SLC25A21: variants seen among roughly 807,000 people sequenced by gnomAD.
SLC25A21 encodes mitochondrial 2-oxodicarboxylate carrier.
SLC25A21 carries 47 observed loss-of-function variants against 43.8 expected under a neutral mutation model. The observed-to-expected ratio is 1.07, with a 90% CI of 0.85 to 1.37. The LOEUF (loss-of-function observed/expected upper bound fraction) is 1.37. Among genes scored for constraint, SLC25A21 ranks in the 40% most tolerant of loss-of-function variants. The probability of loss-of-function intolerance (pLI) is 0.00; values close to 1 mark genes in which losing one functional copy is unlikely to be tolerated. For synonymous variants in SLC25A21, 131 were observed against 121.3 expected, an observed-to-expected ratio of 1.08 and a Z score of -0.52; for missense variants, 352 against 350.2, an observed-to-expected ratio of 1.00 and a Z score of -0.04.
chr14:36,715,548 T>C (rs987109688), intron 6 of SLC25A21, among the ~76,000 whole-genome samples: 4 of 152,222 alleles, frequency 2.6e-5, no homozygotes, highest in African/African-American at 9.6e-5. Flanking sequence ...CCAATTTTCA[T>C]ATTTAGTTAC....
intron 1 of SLC25A21, among the ~76,000 whole-genome samples, chr14:37,163,489 C>A (rs561527919): frequency 6.6e-6 from 1 of 151,892 alleles, no homozygotes; most frequent in East Asian, 1.9e-4. Context: ...TTGACACAAA[C>A]ATAATAAAAG....
intron 1 of SLC25A21, among the ~76,000 whole-genome samples, chr14:37,006,586 C>T (rs1960609240): frequency 6.6e-6 from 1 of 151,918 alleles, no homozygotes; most frequent in Non-Finnish European, 1.5e-5. Flanking sequence ...AAAGGAGGGG[C>T]CTTAAAAATT....
At chr14:37,030,440 G>T (rs1961186866) in intron 1 of SLC25A21, among the ~76,000 whole-genome samples, 1 of 152,070 alleles carries the variant, frequency 6.6e-6, no homozygotes, top group South Asian at 2.1e-4. Flanking sequence ...TCCACCTGGG[G>T]TATCACCCCT....
intron 3 of SLC25A21, among the ~76,000 whole-genome samples, chr14:36,770,978 A>T (rs1886598183): frequency 6.6e-6 from 1 of 152,190 alleles, no homozygotes; most frequent in African/African-American, 2.4e-5. Context: ...CTTATCAAGA[A>T]GTGTAAATAC....
At chr14:36,699,904 G>T (rs564481348) in intron 7 of SLC25A21, among the ~76,000 whole-genome samples, 1 of 152,200 alleles carries the variant, frequency 6.6e-6, no homozygotes, top group Admixed American at 6.5e-5. Flanking sequence ...TGCACTTCCC[G>T]GGTGAGGCGA....
At chr14:36,734,721 A>C (rs1000150547) in intron 3 of SLC25A21, 148 bp from the exon 4 acceptor site, 7 of 636,242 alleles carry the variant, frequency 1.1e-5, no homozygotes, top group Non-Finnish European at 1.9e-5. Flanking sequence ...ATAAAGAAAT[A>C]AATTTTATGT....
chr14:36,763,945 C>T (rs1886260311), intron 3 of SLC25A21, among the ~76,000 whole-genome samples: 1 of 150,160 alleles, frequency 6.7e-6, no homozygotes, highest in African/African-American at 2.5e-5. Flanking sequence ...AGGAGAATTG[C>T]TTGAACCCAG....
chr14:36,981,563 T>C (rs949344691), intron 1 of SLC25A21, among the ~76,000 whole-genome samples: 1 of 152,102 alleles, frequency 6.6e-6, no homozygotes, highest in Non-Finnish European at 1.5e-5. Context: ...CTGGAAACCA[T>C]CATTCTCAGC....
chr14:37,025,360 A>G (rs139813356), intron 1 of SLC25A21, among the ~76,000 whole-genome samples: 1 of 152,286 alleles, frequency 6.6e-6, no homozygotes. Context: ...GGAACTACAG[A>G]GTAACACACA....
At chr14:36,836,555 A>G (rs1889216090) in intron 2 of SLC25A21, among the ~76,000 whole-genome samples, 1 of 152,210 alleles carries the variant, frequency 6.6e-6, no homozygotes, top group Non-Finnish European at 1.5e-5. Flanking sequence ...ACATGGAAGC[A>G]TTATGTAACA....
intron 1 of SLC25A21, among the ~76,000 whole-genome samples, chr14:37,164,033 G>T (rs1391488046): frequency 6.6e-6 from 1 of 152,174 alleles, no homozygotes; most frequent in Non-Finnish European, 1.5e-5. Flanking sequence ...AGGGAGGTGA[G>T]GAAGGGCTGG....
chr14:36,871,609 T>C (rs1286489801), intron 2 of SLC25A21, among the ~76,000 whole-genome samples: 1 of 152,176 alleles, frequency 6.6e-6, no homozygotes, highest in African/African-American at 2.4e-5. Context: ...ACTATTTTGA[T>C]AAATATTAAA....
intron 1 of SLC25A21, among the ~76,000 whole-genome samples, chr14:37,165,152 G>A (rs544103815): frequency 1.3e-5 from 2 of 152,092 alleles, no homozygotes; most frequent in African/African-American, 2.4e-5. Flanking sequence ...TGTGGCGGGC[G>A]GATCACTTGA....
chr14:36,833,699 C>G (rs940769921), intron 2 of SLC25A21, among the ~76,000 whole-genome samples: 10 of 152,126 alleles, frequency 6.6e-5, no homozygotes, highest in Admixed American at 1.3e-4. Context: ...GTCCCACCAA[C>G]AGGAAGCAAT....
At chr14:37,001,801 G>A (rs1291481210) in intron 1 of SLC25A21, among the ~76,000 whole-genome samples, 1 of 152,034 alleles carries the variant, frequency 6.6e-6, no homozygotes, top group Non-Finnish European at 1.5e-5. Flanking sequence ...TAGAAAAATG[G>A]AAAATCATTT....
intron 2 of SLC25A21, among the ~76,000 whole-genome samples, chr14:36,815,348 G>C (rs1888418825): frequency 6.6e-6 from 1 of 151,930 alleles, no homozygotes; most frequent in Non-Finnish European, 1.5e-5. Flanking sequence ...AAAAAATACA[G>C]AGTAGCTAAT....
intron 1 of SLC25A21, among the ~76,000 whole-genome samples, chr14:36,995,688 T>C (rs935586376): frequency 2.6e-5 from 4 of 152,192 alleles, no homozygotes; most frequent in Non-Finnish European, 5.9e-5. Flanking sequence ...TGGCTACATA[T>C]TGGAATTACC....
intron 7 of SLC25A21, among the ~76,000 whole-genome samples, chr14:36,689,072 C>A (rs2139147999): frequency 6.6e-6 from 1 of 152,274 alleles, no homozygotes; most frequent in African/African-American, 2.4e-5. Context: ...GGGCAATTTA[C>A]AAAAGAAAGA....
At chr14:36,880,500 C>T (rs953943640) in intron 1 of SLC25A21, among the ~76,000 whole-genome samples, 7 of 152,162 alleles carry the variant, frequency 4.6e-5, no homozygotes, top group South Asian at 2.1e-4. Context: ...AGAAGCTCCA[C>T]GAGGACAGAG....
Sources: allele counts gnomAD v4.1 joint callset (sites outside exome capture counted in the v4.1 genomes callset), GRCh38; gene constraint gnomAD v4.1.1; transcripts MANE v1.5; gene names NCBI Gene and HGNC (gene_info 2026-07-23, HGNC 2026-07-21).